The following SFXN5 variants were observed in gnomAD, a reference collection of about 807,000 sequenced individuals.
SFXN5 encodes the protein sideroflexin 5.
In SFXN5, 43 loss-of-function variants were observed where a neutral mutation model predicts 50.2. The observed-to-expected ratio is 0.86, with a 90% CI of 0.67 to 1.11. SFXN5 has a LOEUF of 1.11. SFXN5 is among the 50% of genes least tolerant of loss of function. SFXN5 has a pLI of 0.00. For synonymous variants in SFXN5, 203 were observed against 185.8 expected, an observed-to-expected ratio of 1.09 and a Z score of -0.75; for missense variants, 463 against 454.1, an observed-to-expected ratio of 1.02 and a Z score of -0.18.
In SFXN5 at chr2:73,052,366, G is replaced by A. The variant is rs1010264752; in HGVS notation, c.171+6162C>T. 4.6e-3 allele frequency among the ~76,000 whole-genome samples: 529 copies of A among 115,362 alleles called. 4 individuals are homozygous for A. Among genetic ancestry groups the A allele is most frequent in the Middle Eastern group, 0.025 (6 of 238 alleles). The allele number at this position is 115,362 out of a possible 152,430, so 75.7% of individuals were successfully genotyped here. ...TGTGTGTGTGTGTGTATGCGTGTGTGTGTGTGTGTGTGTGTGTGTGTGTGT... is the reference window on the plus strand; with the variant it reads ...TGTGTGTGTGTGTGTATGCGTGTGTATGTGTGTGTGTGTGTGTGTGTGTGT... On this transcript the variant is annotated intron_variant, in intron 2 of 13. Transcript: ENST00000272433.
chr2:72,974,115 T>A (rs939522754), intron 10 of SFXN5, among the ~76,000 whole-genome samples: 2 of 152,196 alleles, frequency 1.3e-5, no homozygotes, highest in African/African-American at 4.8e-5. Context: ...AGGGTCTCCA[T>A]GGGATTTCTG....
chr2:73,026,504 A>G (rs575334094), intron 3 of SFXN5, among the ~76,000 whole-genome samples: 1 of 152,254 alleles, frequency 6.6e-6, no homozygotes, highest in East Asian at 1.9e-4. Context: ...TAGTGGTTCC[A>G]TAAGATTACA....
At chr2:72,977,699 G>T (rs1670791545) in intron 10 of SFXN5, among the ~76,000 whole-genome samples, 1 of 152,250 alleles carries the variant, frequency 6.6e-6, no homozygotes, top group South Asian at 2.1e-4. Flanking sequence ...TCTAGGTGGG[G>T]TGTGGTGCCT....
intron 11 of SFXN5, among the ~76,000 whole-genome samples, chr2:72,969,687 GC>G (rs1304520452): frequency 6.7e-6 from 1 of 149,444 alleles, no homozygotes; most frequent in Non-Finnish European, 1.5e-5. Context: ...GAGACACCGT[GC>G]CCGGCCTACT....
chr2:72,952,263 C>T (rs540816794), intron 13 of SFXN5, among the ~76,000 whole-genome samples: 4 of 152,294 alleles, frequency 2.6e-5, no homozygotes, highest in African/African-American at 9.6e-5. Context: ...ATATCCTGAC[C>T]CTCTAAGGCT....
intron 13 of SFXN5, among the ~76,000 whole-genome samples, chr2:72,957,934 T>C (rs978868668): frequency 2.6e-5 from 4 of 152,180 alleles, no homozygotes; most frequent in African/African-American, 9.6e-5. Context: ...CTTCCCAATC[T>C]AGAGAAAGAG....
chr2:73,059,233 C>CA (rs1433511901), intron 1 of SFXN5: 1 of 985,610 alleles, frequency 1.0e-6, no homozygotes, highest in Non-Finnish European at 1.2e-6. Context: ...CATTGGAGCA[C>CA]AATGAAAGGA....
chr2:73,025,670 G>A (rs2421098), intron 3 of SFXN5, among the ~76,000 whole-genome samples: 63,815 of 152,002 alleles, frequency 0.42, 16,332 homozygotes, highest in Middle Eastern at 0.61. Context: ...AGAGATGAGC[G>A]GTTGGCAATG....
chr2:72,956,568 C>T (rs570430833), intron 13 of SFXN5, among the ~76,000 whole-genome samples: 1 of 152,276 alleles, frequency 6.6e-6, no homozygotes, highest in Non-Finnish European at 1.5e-5. Context: ...GGGTACAAAG[C>T]CTGCTCCATC....
chr2:73,012,336 T>C (rs964537368), intron 6 of SFXN5, among the ~76,000 whole-genome samples: 4 of 152,126 alleles, frequency 2.6e-5, no homozygotes, highest in African/African-American at 7.2e-5. Flanking sequence ...TAAAATATTC[T>C]TTATAAAACA....
chr2:72,987,354 T>C (rs557928448), intron 10 of SFXN5, among the ~76,000 whole-genome samples: 59 of 151,736 alleles, frequency 3.9e-4, no homozygotes, highest in Non-Finnish European at 8.1e-4. Flanking sequence ...ATGATCCGCC[T>C]ACCTCGGCCT....
chr2:73,058,268 T>C (rs1447575435), intron 2 of SFXN5: 3 of 351,606 alleles, frequency 8.5e-6, no homozygotes, highest in African/African-American at 6.1e-5. Flanking sequence ...AACAATAATA[T>C]CTATCTTAAA....
Position 72,945,025 on chromosome 2 carries a change from C to T in SFXN5, c.1020G>A (p.Leu340=). Residue 340 remains leucine (L), a synonymous_variant, in exon 14 of 14, where the codon TTG becomes TTA. Coordinates refer to ENST00000272433, the MANE Select transcript of SFXN5 (RefSeq NM_144579.3). The surrounding 1 kb of genome is among the most constrained non-coding windows in gnomAD (Gnocchi z 5.8). ...GTCCCCAGGCCGCTGACCACACTCA[C>T]AACCCCTTGTTGTACACCACTGTCC... ...SSRTVVYNKG[L] is the part of the protein sequence containing the mutation. The T allele has an allele frequency of 6.2e-7, 1 of 1,613,788 alleles. No individual in the cohort carries two copies. Among genetic ancestry groups the T allele is most frequent in the Non-Finnish European group, 8.5e-7 (1 of 1,179,820 alleles).
intron 6 of SFXN5, among the ~76,000 whole-genome samples, chr2:73,011,646 A>G (rs1675514126): frequency 2.0e-5 from 3 of 152,230 alleles, no homozygotes; most frequent in Admixed American, 2.0e-4. Flanking sequence ...ACAAATCACC[A>G]ATAAATAGAT....
chr2:72,947,424 C>G (rs1559073961), intron 13 of SFXN5, among the ~76,000 whole-genome samples: 1 of 152,252 alleles, frequency 6.6e-6, no homozygotes, highest in Non-Finnish European at 1.5e-5. Flanking sequence ...GAGAAAGACA[C>G]TACTGCAGTG....
chr2:73,052,453 C>T (rs1681493893), intron 2 of SFXN5, among the ~76,000 whole-genome samples: 1 of 151,726 alleles, frequency 6.6e-6, no homozygotes. Context: ...TGTCTTTTCC[C>T]CTACTCTGTA....
At chr2:73,013,515 A>G (rs1214536082) in intron 6 of SFXN5, among the ~76,000 whole-genome samples, 1 of 151,868 alleles carries the variant, frequency 6.6e-6, no homozygotes, top group African/African-American at 2.4e-5. Context: ...ATTGAAATCT[A>G]TAAGACAACC....
chr2:73,027,094 G>A (rs1356771673), intron 3 of SFXN5, among the ~76,000 whole-genome samples: 1 of 152,030 alleles, frequency 6.6e-6, no homozygotes, highest in African/African-American at 2.4e-5. Flanking sequence ...CTGTTAAACA[G>A]CCTCAGGCAG....
chr2:72,999,689 G>T (rs767098765), intron 8 of SFXN5, among the ~76,000 whole-genome samples: 1 of 152,042 alleles, frequency 6.6e-6, no homozygotes, highest in Non-Finnish European at 1.5e-5. Flanking sequence ...CAGCATATCA[G>T]GCCTCTCAAT....
Sources: allele counts gnomAD v4.1 joint callset (sites outside exome capture counted in the v4.1 genomes callset), GRCh38; gene constraint gnomAD v4.1.1; non-coding constraint Gnocchi (gnomAD v3.1); transcripts MANE v1.5; gene names NCBI Gene and HGNC (gene_info 2026-07-23, HGNC 2026-07-21).